LRRTM4: variants seen among roughly 807,000 people sequenced by gnomAD.
The protein encoded by LRRTM4 is leucine rich repeat transmembrane neuronal 4.
Under a neutral mutation model 47.6 loss-of-function variants are expected in LRRTM4, and 25 were observed. That is an observed-to-expected ratio of 0.53 (90% CI 0.38 to 0.73). The LOEUF is 0.73. LRRTM4 is among the 30% of genes least tolerant of loss of function. The pLI is 0.00. For missense variants in LRRTM4, 638 were observed against 713.4 expected (o/e 0.89, Z 1.20); for synonymous variants, 311 against 269.5 (o/e 1.15, Z -1.51).
At chr2:77,344,664 G>A (rs1671496454) in intron 3 of LRRTM4, among the ~76,000 whole-genome samples, 2 of 151,778 alleles carry the variant, frequency 1.3e-5, no homozygotes, top group Non-Finnish European at 3.0e-5. Flanking sequence ...AAAATTTGGT[G>A]AAAGTGATAA....
intron 3 of LRRTM4, among the ~76,000 whole-genome samples, chr2:77,033,186 T>C (rs1340902931): frequency 3.3e-5 from 5 of 152,012 alleles, no homozygotes; most frequent in Non-Finnish European, 5.9e-5. Context: ...CCAATATAGA[T>C]TGTAATCTAT....
At chr2:77,468,749 C>G (rs576922670) in intron 3 of LRRTM4, among the ~76,000 whole-genome samples, 2 of 152,240 alleles carry the variant, frequency 1.3e-5, no homozygotes, top group South Asian at 4.1e-4. Context: ...CTGCTCTCCT[C>G]CTGGTGCCAG....
intron 3 of LRRTM4, among the ~76,000 whole-genome samples, chr2:77,439,679 G>T (rs995711663): frequency 3.9e-5 from 6 of 152,076 alleles, no homozygotes; most frequent in African/African-American, 1.4e-4. Context: ...AGTTAACAGT[G>T]TTAATATGTT....
At chr2:76,797,742 A>C (rs1675424347) in intron 3 of LRRTM4, among the ~76,000 whole-genome samples, 1 of 151,320 alleles carries the variant, frequency 6.6e-6, no homozygotes, top group Non-Finnish European at 1.5e-5. Context: ...AGAGACACAC[A>C]TAGGCTCAAA....
At chr2:77,011,028 T>A (rs1455864748) in intron 3 of LRRTM4, among the ~76,000 whole-genome samples, 2 of 152,062 alleles carry the variant, frequency 1.3e-5, no homozygotes, top group African/African-American at 4.8e-5. Flanking sequence ...AATGACCAAT[T>A]TTTGATCAGA....
chr2:77,179,926 T>C (rs943481615), intron 3 of LRRTM4, among the ~76,000 whole-genome samples: 5 of 152,126 alleles, frequency 3.3e-5, no homozygotes, highest in Non-Finnish European at 7.4e-5. Flanking sequence ...ATAAGTGTAT[T>C]GTATAAAGTT....
At chr2:76,767,954 G>A (rs764024215) in intron 3 of LRRTM4, among the ~76,000 whole-genome samples, 1 of 152,042 alleles carries the variant, frequency 6.6e-6, no homozygotes, top group African/African-American at 2.4e-5. Flanking sequence ...GAAATGTTAG[G>A]CATAAAATCA....
rs1293201104 is a variant in LRRTM4 at position 77,129,657 on chromosome 2, G to T, written c.1552-380741C>A. 3.3e-5 allele frequency among the ~76,000 whole-genome samples: 5 copies of T among 152,154 alleles called. No homozygotes were observed. The South Asian group carries it at 6.2e-4, about 19-fold the overall frequency. ...TGAGAATGATGTAAATGAGAAACAG[G>T]TCTCAGATGCTTTATCTATAAGTCT... On this transcript the variant is annotated intron_variant, in intron 3 of 3. Coordinates refer to ENST00000409884, the MANE Select transcript of LRRTM4 (RefSeq NM_001134745.3).
chr2:77,351,565 G>A (rs1671777150), intron 3 of LRRTM4, among the ~76,000 whole-genome samples: 1 of 148,744 alleles, frequency 6.7e-6, no homozygotes, highest in South Asian at 2.1e-4. Flanking sequence ...TATTTTTAAA[G>A]AATTTTAAAG....
At chr2:77,132,721 G>C (rs1343488154) in intron 3 of LRRTM4, among the ~76,000 whole-genome samples, 1 of 152,180 alleles carries the variant, frequency 6.6e-6, no homozygotes, top group Non-Finnish European at 1.5e-5. Context: ...CCATTCACGA[G>C]GGCAAAGCCT....
At chr2:77,502,197 G>C (rs948941348) in intron 3 of LRRTM4, among the ~76,000 whole-genome samples, 18 of 151,310 alleles carry the variant, frequency 1.2e-4, no homozygotes, top group Admixed American at 2.0e-4. Flanking sequence ...AAAAATGGCA[G>C]ATTATAAGCA....
At chr2:77,210,386 T>C (rs986409057) in intron 3 of LRRTM4, among the ~76,000 whole-genome samples, 2 of 152,176 alleles carry the variant, frequency 1.3e-5, no homozygotes, top group Non-Finnish European at 2.9e-5. Flanking sequence ...AAGAATAAAA[T>C]CCTTTAAAAT....
chr2:77,484,099 T>G (rs72921995), intron 3 of LRRTM4, among the ~76,000 whole-genome samples: 2,326 of 152,316 alleles, frequency 0.015, 54 homozygotes, highest in African/African-American at 0.052. Flanking sequence ...TTTAGTGGTT[T>G]GAGCCTAACT....
intron 3 of LRRTM4, among the ~76,000 whole-genome samples, chr2:77,025,593 C>A (rs1482167274): frequency 7.2e-5 from 11 of 152,190 alleles, no homozygotes; most frequent in African/African-American, 2.6e-4. Context: ...TAAATAAGAT[C>A]AATATTCTGT....
intron 3 of LRRTM4, among the ~76,000 whole-genome samples, chr2:76,984,667 G>T (rs1048187735): frequency 6.6e-6 from 1 of 151,960 alleles, no homozygotes; most frequent in African/African-American, 2.4e-5. Context: ...TGGAAGATCA[G>T]AAAAACAACA....
At chr2:77,307,515 C>CATATAGATATATAAT (rs1430028123) in intron 3 of LRRTM4, among the ~76,000 whole-genome samples, 1 of 139,100 alleles carries the variant, frequency 7.2e-6, no homozygotes, top group African/African-American at 2.7e-5. Context: ...ACACACACTA[C>CATATAGATATATAAT]ATATAGATAT....
At chr2:77,018,203 GTTTTT>G (rs199695699) in intron 3 of LRRTM4, among the ~76,000 whole-genome samples, 1 of 67,722 alleles carries the variant, frequency 1.5e-5, no homozygotes, top group African/African-American at 5.2e-5. Flanking sequence ...AATTTTTTTT[GTTTTT>G]TTTTTCAAAA....
chr2:76,798,408 C>G (rs1311112690), intron 3 of LRRTM4, among the ~76,000 whole-genome samples: 7 of 151,326 alleles, frequency 4.6e-5, no homozygotes, highest in Non-Finnish European at 8.8e-5. Context: ...CCAACGAGAA[C>G]AAAGACACAA....
At chr2:77,145,465 T>G (rs1374201484) in intron 3 of LRRTM4, among the ~76,000 whole-genome samples, 3 of 151,746 alleles carry the variant, frequency 2.0e-5, no homozygotes, top group African/African-American at 7.3e-5. Flanking sequence ...TCATTGGAGT[T>G]TTTCTCTTAA....
Sources: allele counts gnomAD v4.1 joint callset (sites outside exome capture counted in the v4.1 genomes callset), GRCh38; gene constraint gnomAD v4.1.1; transcripts MANE v1.5; gene names NCBI Gene and HGNC (gene_info 2026-07-23, HGNC 2026-07-21).